The following LRRFIP2 variants were observed in gnomAD, a reference collection of about 807,000 sequenced individuals.
LRRFIP2 encodes the protein leucine-rich repeat flightless-interacting protein 2.
LRRFIP2 carries 109 observed loss-of-function variants against 125.9 expected under a neutral mutation model. The observed-to-expected ratio is 0.87, with a 90% CI of 0.74 to 1.01. The LOEUF (loss-of-function observed/expected upper bound fraction) is 1.01. Among genes scored for constraint, LRRFIP2 ranks in the 50% least tolerant of loss-of-function variants. LRRFIP2 has a pLI of 0.00. For synonymous variants in LRRFIP2, 291 were observed against 293.1 expected (o/e 0.99, Z 0.07); for missense variants, 850 against 862.3 (o/e 0.99, Z 0.18).
intron 21 of LRRFIP2, chr3:37,067,357 C>G (rs1186194515): frequency 6.6e-6 from 1 of 152,100 alleles, no homozygotes; most frequent in Non-Finnish European, 1.5e-5. Context: ...GAAAATAACC[C>G]AGAATTAAAA....
Position 37,062,663 on chromosome 3 carries a change from G to C in LRRFIP2, c.1749+1079C>G, listed in dbSNP as rs150266059. Among the ~76,000 whole-genome samples the C allele has an allele frequency of 2.3e-4, 35 of 152,256 alleles. No homozygotes were observed. In the East Asian group the frequency reaches 6.8e-3, roughly 29 times the overall value. ...CTCAACAGCCATGCTCGAAGTCACA[G>C]CACAATGAAGAAATGTCCTTTTAAA... On this transcript the variant is annotated intron_variant, in intron 24 of 27. Transcript: ENST00000336686.
chr3:37,060,905 A>G lies in LRRFIP2; in HGVS notation c.1750-1995T>C, dbSNP rs1236470875. On this transcript the variant is annotated intron_variant, in intron 24 of 27. Coordinates refer to ENST00000336686, the MANE Select transcript of LRRFIP2 (RefSeq NM_006309.4). The surrounding 1 kb of genome is among the most constrained non-coding windows in gnomAD (Gnocchi z 4.1). ...TACAAATGATCTCTCAATTTCTGGT[A>G]TATCTCCTCTTACGGTTTGGATGTC... Among the ~76,000 whole-genome samples the G allele has an allele frequency of 1.3e-5, 2 of 152,100 alleles. No individual in the cohort carries two copies. The highest frequency in any genetic ancestry group is 4.8e-5 in the African/African-American group (2 of 41,414).
At chr3:37,095,438 G>T (rs901016443) in intron 16 of LRRFIP2, among the ~76,000 whole-genome samples, 1 of 151,986 alleles carries the variant, frequency 6.6e-6, no homozygotes, top group African/African-American at 2.4e-5. Flanking sequence ...TCATTTAAAC[G>T]TGAGATTATG....
chr3:37,168,586 T>C (rs537725062), intron 1 of LRRFIP2, among the ~76,000 whole-genome samples: 4 of 152,168 alleles, frequency 2.6e-5, no homozygotes, highest in Non-Finnish European at 5.9e-5. Flanking sequence ...GGGAGATGGA[T>C]AGAGGTGATA....
chr3:37,163,815 A>G lies in LRRFIP2; in HGVS notation c.-56+10724T>C, dbSNP rs1373500629. On this transcript the variant is annotated intron_variant, in intron 1 of 27. Coordinates refer to ENST00000336686, the MANE Select transcript of LRRFIP2 (RefSeq NM_006309.4). ...AGCAGAGAATGGTCCCAAGAGAATG[A>G]CTAATATGTTAAAATAGGCTTGTGA... 2.6e-5 allele frequency among the ~76,000 whole-genome samples: 4 copies of G among 152,196 alleles called. No individual in the cohort carries two copies. The East Asian group carries it at 7.7e-4, about 29-fold the overall frequency.
At chr3:37,166,584 T>C (rs1239257000) in intron 1 of LRRFIP2, among the ~76,000 whole-genome samples, 1 of 152,022 alleles carries the variant, frequency 6.6e-6, no homozygotes, top group Non-Finnish European at 1.5e-5. Context: ...CAGCCGGGCA[T>C]GATGGCTCAA....
At chr3:37,054,936 T>A (rs2086386337) in intron 26 of LRRFIP2, 150 bp downstream of exon 26, 1 of 580,742 alleles carries the variant, frequency 1.7e-6, no homozygotes, top group Admixed American at 3.8e-5. Context: ...GGCTAAAATG[T>A]CCCAACAAGT....
intron 4 of LRRFIP2, among the ~76,000 whole-genome samples, chr3:37,127,077 G>A (rs1482984559): frequency 1.3e-5 from 2 of 152,044 alleles, no homozygotes; most frequent in African/African-American, 2.4e-5. Context: ...AAGTTAAGAA[G>A]CCCTGTAATA....
chr3:37,071,763 C>A (rs2091225142), intron 21 of LRRFIP2, among the ~76,000 whole-genome samples: 1 of 152,180 alleles, frequency 6.6e-6, no homozygotes, highest in Non-Finnish European at 1.5e-5. Context: ...TTCCTCTGCC[C>A]TTCCCTGACA....
chr3:37,156,579 C>A (rs1396668897), intron 1 of LRRFIP2, among the ~76,000 whole-genome samples: 2 of 141,220 alleles, frequency 1.4e-5, no homozygotes, highest in Non-Finnish European at 3.0e-5. Context: ...GAGGCTGAGG[C>A]AGGAGAATGG....
intron 14 of LRRFIP2, among the ~76,000 whole-genome samples, chr3:37,104,030 AT>A (rs2094198677): frequency 6.6e-6 from 1 of 152,178 alleles, no homozygotes; most frequent in Non-Finnish European, 1.5e-5. Context: ...AAGGAAGGGA[AT>A]TCAGAAGCCC....
intron 15 of LRRFIP2, 48 bp from the exon 16 acceptor site, chr3:37,096,708 A>C: frequency 1.7e-6 from 2 of 1,170,728 alleles, no homozygotes; most frequent in South Asian, 2.8e-5. Context: ...TAGCAAGTTG[A>C]CTTTTTTTGG....
At chr3:37,145,822 A>C (rs2095843979) in intron 2 of LRRFIP2, among the ~76,000 whole-genome samples, 1 of 152,234 alleles carries the variant, frequency 6.6e-6, no homozygotes, top group South Asian at 2.1e-4. Context: ...TCTGGAGCCA[A>C]GCTTCAGAGT....
chr3:37,109,554 A>T lies in LRRFIP2; in HGVS notation c.582T>A (p.Asn194Lys), dbSNP rs1198472012. ...YKSDRASPTA[N>K]SGLLRSASLA... ...GACTGGCACTTCTCAGCAGACCAGA[A>T]TTTGCAGTAGGAGAGGCCTAAGAAA... Residue 194 changes from asparagine (N) to lysine (K), a missense_variant, in exon 11 of 28, where the codon AAT becomes AAA. Transcript: ENST00000336686. 3.1e-6 allele frequency: 5 copies of T among 1,614,004 alleles called. No homozygotes were observed. The South Asian group carries it at 5.5e-5, about 18-fold the overall frequency.
intron 24 of LRRFIP2, among the ~76,000 whole-genome samples, chr3:37,061,158 C>T (rs2088559425): frequency 6.6e-6 from 1 of 152,126 alleles, no homozygotes; most frequent in Non-Finnish European, 1.5e-5. Context: ...TGCCTGCTGC[C>T]CCTTCACCTT....
chr3:37,134,443 C>CA lies in LRRFIP2; in HGVS notation c.91-5295dup, dbSNP rs1288022195. ...GGGTGGAACCCCATTCGGAAGAGCA[C>CA]AAAAAACTGCTCTTAAGTCATTGCA... On this transcript the variant is annotated intron_variant, in intron 2 of 27. Transcript: ENST00000336686. Among the ~76,000 whole-genome samples, 19 of 152,080 alleles carry CA rather than the reference C, an allele frequency of 1.2e-4. 1 individual carries two copies. The highest frequency in any genetic ancestry group is 1.0e-3 in the Admixed American group (16 of 15,280).
At chr3:37,090,996 T>C (rs563890946) in intron 18 of LRRFIP2, among the ~76,000 whole-genome samples, 1 of 152,332 alleles carries the variant, frequency 6.6e-6, no homozygotes, top group Admixed American at 6.5e-5. Context: ...AATAAAAATA[T>C]TCTTAGTATT....
At chr3:37,087,855 GCTGT>G (rs1368223546) in intron 18 of LRRFIP2, among the ~76,000 whole-genome samples, 8 of 152,266 alleles carry the variant, frequency 5.3e-5, no homozygotes, top group Admixed American at 5.2e-4. Flanking sequence ...TCCCCATAGT[GCTGT>G]GATTATAGGC....
intron 1 of LRRFIP2, among the ~76,000 whole-genome samples, chr3:37,152,439 T>C (rs950624119): frequency 5.9e-5 from 9 of 152,146 alleles, no homozygotes; most frequent in Admixed American, 3.3e-4. Flanking sequence ...CCAAAAACTA[T>C]TGAAATAATT....
Sources: allele counts gnomAD v4.1 joint callset (sites outside exome capture counted in the v4.1 genomes callset), GRCh38; gene constraint gnomAD v4.1.1; non-coding constraint Gnocchi (gnomAD v3.1); transcripts MANE v1.5; gene names NCBI Gene and HGNC (gene_info 2026-07-23, HGNC 2026-07-21).